Variants in PTPRD observed in about 807,000 individuals in gnomAD.
The protein encoded by PTPRD is protein tyrosine phosphatase receptor type D.
A neutral mutation model predicts 214.5 loss-of-function variants in PTPRD; 34 were observed. The ratio of observed to expected loss-of-function variants is 0.16; its 90% CI spans 0.12 to 0.21. PTPRD has a LOEUF of 0.21. Ranked by LOEUF, PTPRD falls within the 10% of genes least tolerant of loss-of-function variation. The pLI is 1.00. For missense variants in PTPRD, 2,545 were observed against 2,398.7 expected (o/e 1.06, Z -1.27); for synonymous variants, 1,128 against 845.7 (o/e 1.33, Z -5.79).
intron 7 of PTPRD, among the ~76,000 whole-genome samples, chr9:9,670,711 T>A (rs1215005641): frequency 6.6e-6 from 1 of 152,164 alleles, no homozygotes; most frequent in Non-Finnish European, 1.5e-5. Flanking sequence ...AGGCTGTGGC[T>A]TCAGAGGTTG....
At chr9:9,731,484 A>G (rs964502681) in intron 7 of PTPRD, among the ~76,000 whole-genome samples, 3 of 151,976 alleles carry the variant, frequency 2.0e-5, no homozygotes, top group African/African-American at 7.3e-5. Flanking sequence ...TTATACTTTA[A>G]GTTCTAGGGT....
At chr9:9,392,162 C>A (rs2066062661) in intron 9 of PTPRD, among the ~76,000 whole-genome samples, 1 of 152,126 alleles carries the variant, frequency 6.6e-6, no homozygotes, top group Non-Finnish European at 1.5e-5. Context: ...CTGAGACTCC[C>A]CTTGGCCCTC....
intron 5 of PTPRD, among the ~76,000 whole-genome samples, chr9:9,834,699 TA>T (rs2056199713): frequency 6.6e-6 from 1 of 152,038 alleles, no homozygotes; most frequent in Non-Finnish European, 1.5e-5. Flanking sequence ...CTAGGAAGGG[TA>T]AAACATTAGT....
chr9:8,684,275 C>A (rs947824226), intron 12 of PTPRD, among the ~76,000 whole-genome samples: 1 of 152,104 alleles, frequency 6.6e-6, no homozygotes, highest in Non-Finnish European at 1.5e-5. Context: ...GTATTATGTC[C>A]CAAGAACTAT....
chr9:9,999,275 C>T (rs1484497088), intron 4 of PTPRD, among the ~76,000 whole-genome samples: 1 of 152,184 alleles, frequency 6.6e-6, no homozygotes, highest in African/African-American at 2.4e-5. Context: ...GCTAAGGGAG[C>T]AACCCCTGAA....
At chr9:8,920,484 C>A (rs1373855873) in intron 11 of PTPRD, among the ~76,000 whole-genome samples, 4 of 152,126 alleles carry the variant, frequency 2.6e-5, no homozygotes, top group Non-Finnish European at 5.9e-5. Context: ...TTCCTCTAAG[C>A]CAGGGGTATC....
intron 11 of PTPRD, among the ~76,000 whole-genome samples, chr9:8,803,207 G>A (rs992994399): frequency 2.6e-5 from 4 of 152,124 alleles, no homozygotes; most frequent in African/African-American, 9.7e-5. Context: ...ATTTATGAAT[G>A]AGTACACACA....
intron 30 of PTPRD, among the ~76,000 whole-genome samples, chr9:8,479,626 A>G (rs2096838493): frequency 6.6e-6 from 1 of 152,250 alleles, no homozygotes; most frequent in Non-Finnish European, 1.5e-5. Context: ...AAATGAAACT[A>G]AAGTTTACCA....
chr9:10,460,137 T>C (rs1437264393), intron 2 of PTPRD, among the ~76,000 whole-genome samples: 2 of 152,052 alleles, frequency 1.3e-5, no homozygotes, highest in Non-Finnish European at 2.9e-5. Flanking sequence ...CAATCCCATT[T>C]ACAATAGCAT....
At chr9:10,524,291 C>T (rs547138612) in intron 2 of PTPRD, among the ~76,000 whole-genome samples, 1 of 152,006 alleles carries the variant, frequency 6.6e-6, no homozygotes, top group Non-Finnish European at 1.5e-5. Flanking sequence ...TACATTTGTT[C>T]CGAGGCAGCG....
At chr9:9,074,597 T>C (rs12344548) in intron 10 of PTPRD, among the ~76,000 whole-genome samples, 2,476 of 152,158 alleles carry the variant, frequency 0.016, 78 homozygotes, top group African/African-American at 0.056. Context: ...TTTTATTATA[T>C]ATATAAAAGA....
chr9:8,504,112 T>C, intron 23 of PTPRD, 149 bp downstream of exon 23: 1 of 739,406 alleles, frequency 1.4e-6, no homozygotes, highest in Non-Finnish European at 2.2e-6. Context: ...AAGTCACAGT[T>C]ACACTTTCAC....
intron 3 of PTPRD, among the ~76,000 whole-genome samples, chr9:10,188,141 G>T (rs2099346427): frequency 6.6e-6 from 1 of 152,054 alleles, no homozygotes; most frequent in South Asian, 2.1e-4. Context: ...CATTTATGCG[G>T]TTTGTCCCAA....
intron 11 of PTPRD, among the ~76,000 whole-genome samples, chr9:8,768,681 C>T (rs1269070018): frequency 6.6e-6 from 1 of 152,182 alleles, no homozygotes; most frequent in East Asian, 1.9e-4. Flanking sequence ...ACTGTTGTTA[C>T]TGTTTTATTT....
chr9:8,527,915 A>G lies in PTPRD; in HGVS notation c.542-562T>C, dbSNP rs1344606592. 3.3e-5 allele frequency among the ~76,000 whole-genome samples: 5 copies of G among 152,284 alleles called. No individual in the cohort carries two copies. The East Asian group carries it at 9.7e-4, about 29-fold the overall frequency. The stretch of plus-strand genomic sequence containing the variant: ...GCGCACACTACTGTGGCTAATGTGT[A>G]GAAAATGTTCACTCACAATGTTATT... On this transcript the variant is annotated intron_variant, in intron 15 of 45. Coordinates refer to ENST00000381196, the MANE Select transcript of PTPRD (RefSeq NM_002839.4).
chr9:9,609,624 G>C (rs991085287), intron 7 of PTPRD, among the ~76,000 whole-genome samples: 2 of 152,046 alleles, frequency 1.3e-5, no homozygotes, highest in Admixed American at 1.3e-4. Flanking sequence ...CACCACACCT[G>C]GCTAATTTTT....
At chr9:8,696,397 A>G (rs897203446) in intron 12 of PTPRD, among the ~76,000 whole-genome samples, 2 of 152,202 alleles carry the variant, frequency 1.3e-5, no homozygotes, top group Non-Finnish European at 2.9e-5. Context: ...TAAACTCTAC[A>G]TTAAATTCTA....
intron 8 of PTPRD, among the ~76,000 whole-genome samples, chr9:9,412,991 CCA>C (rs2075918679): frequency 1.3e-5 from 2 of 152,130 alleles, no homozygotes; most frequent in South Asian, 4.1e-4. Flanking sequence ...TCATATTATA[CCA>C]CAATGCATCA....
chr9:8,408,843 A>T (rs1349911811), intron 35 of PTPRD, among the ~76,000 whole-genome samples: 1 of 151,690 alleles, frequency 6.6e-6, no homozygotes, highest in East Asian at 2.0e-4. Context: ...TTGCTTACTC[A>T]GAAAAAATGA....
Sources: allele counts gnomAD v4.1 joint callset (sites outside exome capture counted in the v4.1 genomes callset), GRCh38; gene constraint gnomAD v4.1.1; transcripts MANE v1.5; gene names NCBI Gene and HGNC (gene_info 2026-07-23, HGNC 2026-07-21).